KCNQ1OT1: variants seen among roughly 807,000 people sequenced by gnomAD.
KCNQ1OT1 encodes the protein KCNQ1 opposite strand/antisense transcript 1.
At chr11:2,672,878 C>T (rs1850212028) in exon 1 of KCNQ1OT1, 2 of 398,742 alleles carry the variant, frequency 5.0e-6, no homozygotes. Context: ...AGCCACCTGA[C>T]TGTCAGGGGA....
chr11:2,676,053 T>G lies in KCNQ1OT1; in HGVS notation n.23942A>C, dbSNP rs1425467205. On this transcript the variant is annotated non_coding_transcript_exon_variant, in exon 1 of 1. Transcript: ENST00000597346. This position sits in a 1 kb window ranked among gnomAD's most constrained non-coding sequence, Gnocchi z 4.2. Reference sequence around the variant, plus strand: ...ACTCAACACTTTCCTATTGCATCTTTCCAGACGTATTTTATATAAACAAAT... The same window carrying G: ...ACTCAACACTTTCCTATTGCATCTTGCCAGACGTATTTTATATAAACAAAT... 5.0e-6 allele frequency: 2 copies of G among 398,666 alleles called. No homozygotes were observed. The highest frequency in any genetic ancestry group is 8.8e-6 in the Non-Finnish European group (2 of 226,064). The allele number at this position is 398,666 out of a possible 1,614,324, so 24.7% of individuals were successfully genotyped here.
Position 2,621,679 on chromosome 11 carries a change from C to A in KCNQ1OT1, n.78316G>T. The A allele has an allele frequency of 2.5e-6, 1 of 398,360 alleles. No homozygotes were observed. The highest frequency in any genetic ancestry group is 4.4e-6 in the Non-Finnish European group (1 of 225,982). 24.7% of individuals were successfully genotyped at this position (398,360 alleles called of 1,614,324 possible). On this transcript the variant is annotated non_coding_transcript_exon_variant, in exon 1 of 1. Coordinates refer to ENST00000597346, the Ensembl canonical transcript of KCNQ1OT1. This position sits in a 1 kb window ranked among gnomAD's most constrained non-coding sequence, Gnocchi z 5.7. ...TCCAATTTGTTGGGATATAATTGTT[C>A]ATAAAAGTCCCTTATGATCCTTTTT...
chr11:2,684,842 T>A (rs767636121), exon 1 of KCNQ1OT1: 1 of 398,584 alleles, frequency 2.5e-6, no homozygotes, highest in East Asian at 3.6e-5. Context: ...CCTCCTGTTA[T>A]TGGCTTCCTC....
chr11:2,658,890 T>A lies in KCNQ1OT1; in HGVS notation n.41105A>T, dbSNP rs1849900262. On this transcript the variant is annotated non_coding_transcript_exon_variant, in exon 1 of 1. Coordinates refer to ENST00000597346, the Ensembl canonical transcript of KCNQ1OT1. The surrounding 1 kb of genome is among the most constrained non-coding windows in gnomAD (Gnocchi z 4.9). Reference sequence around the variant, plus strand: ...TCATTTACTTATTTGTGTAACCCTATTGTACACGTAGTACCCTATGTGAAG... The same window carrying A: ...TCATTTACTTATTTGTGTAACCCTAATGTACACGTAGTACCCTATGTGAAG... The A allele has an allele frequency of 7.5e-6, 3 of 398,558 alleles. No individual in the cohort carries two copies. Among genetic ancestry groups the A allele is most frequent in the Non-Finnish European group, 1.3e-5 (3 of 226,026 alleles). 24.7% of individuals were successfully genotyped at this position (398,558 alleles called of 1,614,324 possible). A position where few individuals can be genotyped will look rare whatever the true frequency, so the allele number is the denominator to read the frequency against.
chr11:2,662,163 GCT>G, exon 1 of KCNQ1OT1: 1 of 1,590,326 alleles, frequency 6.3e-7, no homozygotes, highest in Non-Finnish European at 8.6e-7. Context: ...GGGAAGCCTT[GCT>G]CTCTGGCCAG....
Position 2,671,301 on chromosome 11 carries a change from T to G in KCNQ1OT1, n.28694A>C. 2.5e-6 allele frequency: 1 copy of G among 398,530 alleles called. No homozygotes were observed. The highest frequency in any genetic ancestry group is 1.3e-4 in the South Asian group (1 of 7,846). The allele number at this position is 398,530 out of a possible 1,614,324, so 24.7% of individuals were successfully genotyped here. A position where few individuals can be genotyped will look rare whatever the true frequency, so the allele number is the denominator to read the frequency against. On this transcript the variant is annotated non_coding_transcript_exon_variant, in exon 1 of 1. Transcript: ENST00000597346. This position sits in a 1 kb window ranked among gnomAD's most constrained non-coding sequence, Gnocchi z 4.7. ...AGCCTCTGATCTTCTCCATAAGTAA[T>G]CTTTTCCCATGTGTGGCTGCAGCCT...
exon 1 of KCNQ1OT1, chr11:2,689,745 G>C (rs1391876577): frequency 2.5e-6 from 1 of 398,666 alleles, no homozygotes; most frequent in Non-Finnish European, 4.4e-6. Flanking sequence ...AGTCTCATTT[G>C]TTTACAGGAG....
At chr11:2,680,176 G>C (rs1386810866) in exon 1 of KCNQ1OT1, 1 of 392,382 alleles carries the variant, frequency 2.5e-6, no homozygotes, top group Non-Finnish European at 4.4e-6. Context: ...ACGGGCGTGA[G>C]CCAATGCACC....
chr11:2,687,095 G>T lies in KCNQ1OT1; in HGVS notation n.12900C>A. ...ATGCAAGATATCCTGAGTTGGGTGT[G>T]ACAAGTACACCTTGACACACAAACT... On this transcript the variant is annotated non_coding_transcript_exon_variant, in exon 1 of 1. Transcript: ENST00000597346. The surrounding 1 kb of genome is among the most constrained non-coding windows in gnomAD (Gnocchi z 5.0). The T allele has an allele frequency of 2.5e-6, 1 of 398,626 alleles. No individual in the cohort carries two copies. The highest frequency in any genetic ancestry group is 1.3e-4 in the South Asian group (1 of 7,834). The allele number at this position is 398,626 out of a possible 1,614,324, so 24.7% of individuals were successfully genotyped here. A position where few individuals can be genotyped will look rare whatever the true frequency, so the allele number is the denominator to read the frequency against.
exon 1 of KCNQ1OT1, chr11:2,686,644 A>G (rs2133886869): frequency 2.5e-6 from 1 of 398,674 alleles, no homozygotes; most frequent in South Asian, 1.3e-4. Context: ...CAGGCTGCAC[A>G]GAGCATGGCC....
chr11:2,681,212 T>C (rs905170939), exon 1 of KCNQ1OT1: 1 of 398,532 alleles, frequency 2.5e-6, no homozygotes, highest in Non-Finnish European at 4.4e-6. Flanking sequence ...TTGTGTTCTA[T>C]GAAGAGTGGG....
rs905895033 is a variant in KCNQ1OT1 at position 2,653,454 on chromosome 11, T to C, written n.46541A>G. On this transcript the variant is annotated non_coding_transcript_exon_variant, in exon 1 of 1. Coordinates refer to ENST00000597346, the Ensembl canonical transcript of KCNQ1OT1. The surrounding 1 kb of genome is among the most constrained non-coding windows in gnomAD (Gnocchi z 5.3). ...AAGCACAAAAGGGACATTTTTTGGC[T>C]CACACAGCTGGACCCAGCTGTTTCA... 5 of 398,460 alleles carry C rather than the reference T, an allele frequency of 1.3e-5. No individual in the cohort carries two copies. Among genetic ancestry groups the C allele is most frequent in the African/African-American group, 1.0e-4 (5 of 48,590 alleles). The allele number at this position is 398,460 out of a possible 1,614,324, so 24.7% of individuals were successfully genotyped here.
At chr11:2,648,502 A>AT (rs1167957163) in exon 1 of KCNQ1OT1, 1 of 398,320 alleles carries the variant, frequency 2.5e-6, no homozygotes, top group East Asian at 3.6e-5. Flanking sequence ...GAATTTTTAA[A>AT]TTTTTAAAAT....
exon 1 of KCNQ1OT1, chr11:2,641,522 A>G (rs1849576796): frequency 2.5e-6 from 1 of 398,212 alleles, no homozygotes; most frequent in Non-Finnish European, 4.4e-6. Context: ...AGTTCCTAGT[A>G]TATTCTGGTA....
Position 2,647,926 on chromosome 11 carries a change from T to A in KCNQ1OT1, n.52069A>T, listed in dbSNP as rs1849691300. The A allele has an allele frequency of 2.5e-6, 1 of 398,348 alleles. No homozygotes were observed. Among genetic ancestry groups the A allele is most frequent in the Admixed American group, 4.4e-5 (1 of 22,714 alleles). The allele number at this position is 398,348 out of a possible 1,614,324, so 24.7% of individuals were successfully genotyped here. On this transcript the variant is annotated non_coding_transcript_exon_variant, in exon 1 of 1. Transcript: ENST00000597346. This position sits in a 1 kb window ranked among gnomAD's most constrained non-coding sequence, Gnocchi z 4.0. ...TGATTTTCTCTTTTCAAAAAATCAG[T>A]TTTTTGGCTGGGTTTGTTGGCTCAC...
Position 2,645,507 on chromosome 11 carries a change from T to A in KCNQ1OT1, n.54488A>T, listed in dbSNP as rs1849652482. On this transcript the variant is annotated non_coding_transcript_exon_variant, in exon 1 of 1. Coordinates refer to ENST00000597346, the Ensembl canonical transcript of KCNQ1OT1. This position sits in a 1 kb window ranked among gnomAD's most constrained non-coding sequence, Gnocchi z 5.8. ...ATGCTCATGTTGGGGCAGCAGCAAC[T>A]CTATTGCAGCCCTACTCCTGGGGAA... 2 of 398,720 alleles carry A rather than the reference T, an allele frequency of 5.0e-6. No individual in the cohort carries two copies. The highest frequency in any genetic ancestry group is 7.1e-5 in the East Asian group (2 of 28,078). 24.7% of individuals were successfully genotyped at this position (398,720 alleles called of 1,614,324 possible). A position where few individuals can be genotyped will look rare whatever the true frequency, so the allele number is the denominator to read the frequency against.
chr11:2,653,542 A>C lies in KCNQ1OT1; in HGVS notation n.46453T>G. On this transcript the variant is annotated non_coding_transcript_exon_variant, in exon 1 of 1. Coordinates refer to ENST00000597346, the Ensembl canonical transcript of KCNQ1OT1. This position sits in a 1 kb window ranked among gnomAD's most constrained non-coding sequence, Gnocchi z 5.3. ...ACTTGCTCTCACTCTCCCCTCTTGC[A>C]CTCCCCTTCTCCCTTCCCGTTCCCT... 1 of 397,518 alleles carries C rather than the reference A, an allele frequency of 2.5e-6. No individual in the cohort carries two copies. Among genetic ancestry groups the C allele is most frequent in the Non-Finnish European group, 4.4e-6 (1 of 225,880 alleles). The allele number at this position is 397,518 out of a possible 1,614,324, so 24.6% of individuals were successfully genotyped here.
chr11:2,658,392 A>G lies in KCNQ1OT1; in HGVS notation n.41603T>C. ...TTTATTTTTTGAGTTATAGTCCAAT[A>G]TTATTTATTTTGTTGCTCAAATTGT... On this transcript the variant is annotated non_coding_transcript_exon_variant, in exon 1 of 1. Transcript: ENST00000597346. The surrounding 1 kb of genome is among the most constrained non-coding windows in gnomAD (Gnocchi z 4.9). 1 of 398,478 alleles carries G rather than the reference A, an allele frequency of 2.5e-6. No individual in the cohort carries two copies. The highest frequency in any genetic ancestry group is 4.4e-6 in the Non-Finnish European group (1 of 226,020). The allele number at this position is 398,478 out of a possible 1,614,324, so 24.7% of individuals were successfully genotyped here.
chr11:2,630,932 G>C (rs1168854797), exon 1 of KCNQ1OT1: 1 of 398,350 alleles, frequency 2.5e-6, no homozygotes, highest in African/African-American at 2.1e-5. Flanking sequence ...GAAAGTTTTT[G>C]CTCAGAAATC....
Sources: allele counts gnomAD v4.1 joint callset, GRCh38; gene constraint gnomAD v4.1.1; non-coding constraint Gnocchi (gnomAD v3.1); transcripts MANE v1.5; gene names NCBI Gene and HGNC (gene_info 2026-07-23, HGNC 2026-07-21).